Variants in WDR70 observed in about 807,000 individuals in gnomAD.
WDR70 encodes the protein WD repeat domain 70.
WDR70 carries 53 observed loss-of-function variants against 88.6 expected under a neutral mutation model. The observed-to-expected ratio is 0.60, with a 90% CI of 0.48 to 0.75. The LOEUF (loss-of-function observed/expected upper bound fraction) is 0.75, where lower values mean the gene tolerates loss of function less well. Ranked by LOEUF, WDR70 falls within the 30% of genes least tolerant of loss-of-function variation. WDR70 has a pLI of 0.00. For missense variants in WDR70, 610 were observed against 823.2 expected, an observed-to-expected ratio of 0.74 and a Z score of 3.17; for synonymous variants, 280 against 270.0, an observed-to-expected ratio of 1.04 and a Z score of -0.36.
At chr5:37,495,932 G>A (rs1740202290) in intron 8 of WDR70, among the ~76,000 whole-genome samples, 1 of 152,244 alleles carries the variant, frequency 6.6e-6, no homozygotes, top group South Asian at 2.1e-4. Context: ...AGTCTTGTAG[G>A]TTTTTTCTGT....
chr5:37,430,749 C>T (rs1487541453), intron 5 of WDR70, among the ~76,000 whole-genome samples: 1 of 151,932 alleles, frequency 6.6e-6, no homozygotes, highest in Non-Finnish European at 1.5e-5. Flanking sequence ...TTAGTAGTGA[C>T]GGGGTTTCAC....
At chr5:37,552,682 A>G (rs1742180431) in intron 9 of WDR70, among the ~76,000 whole-genome samples, 1 of 152,318 alleles carries the variant, frequency 6.6e-6, no homozygotes, top group Non-Finnish European at 1.5e-5. Flanking sequence ...CATTTGCCAG[A>G]GCTGAAAATT....
chr5:37,614,580 T>C (rs1454157709), intron 10 of WDR70, among the ~76,000 whole-genome samples: 1 of 152,188 alleles, frequency 6.6e-6, no homozygotes, highest in Admixed American at 6.5e-5. Flanking sequence ...AATTTCAGTG[T>C]CCATAAATTT....
intron 7 of WDR70, among the ~76,000 whole-genome samples, chr5:37,466,924 A>T (rs576388740): frequency 1.3e-4 from 19 of 151,978 alleles, no homozygotes; most frequent in Middle Eastern, 3.4e-3. Context: ...AGAATACCAT[A>T]AATTGGGTAG....
intron 10 of WDR70, chr5:37,687,797 A>G (rs1746655986): frequency 6.9e-6 from 3 of 433,254 alleles, no homozygotes; most frequent in Non-Finnish European, 8.2e-6. Context: ...TGAGCACTGG[A>G]AGGCTATATG....
At chr5:37,673,585 C>CCCT (rs1554010669) in intron 10 of WDR70, among the ~76,000 whole-genome samples, 3 of 93,770 alleles carry the variant, frequency 3.2e-5, no homozygotes, top group Non-Finnish European at 6.2e-5. Context: ...CTTTTCTTAC[C>CCCT]CCCCCCCCAC....
chr5:37,491,749 A>G (rs545392743), intron 8 of WDR70, among the ~76,000 whole-genome samples: 4 of 152,328 alleles, frequency 2.6e-5, no homozygotes, highest in Non-Finnish European at 4.4e-5. Context: ...AACTTAAAAT[A>G]TTTAATTTTT....
chr5:37,687,908 A>G (rs4371784), intron 10 of WDR70: 216,562 of 680,970 alleles, frequency 0.32, 36,169 homozygotes, highest in Admixed American at 0.47. Flanking sequence ...TTTCTTCTCC[A>G]GAGCAACAAG....
intron 10 of WDR70, among the ~76,000 whole-genome samples, chr5:37,687,383 C>T (rs986429057): frequency 6.6e-6 from 1 of 152,158 alleles, no homozygotes; most frequent in Admixed American, 6.5e-5. Flanking sequence ...ATTTTGAGTG[C>T]ATCTCTCCCT....
At chr5:37,416,347 A>C (rs1168511300) in intron 5 of WDR70, among the ~76,000 whole-genome samples, 5 of 152,260 alleles carry the variant, frequency 3.3e-5, no homozygotes, top group South Asian at 2.1e-4. Context: ...CGTCTCCACC[A>C]AAAAAATACG....
intron 10 of WDR70, among the ~76,000 whole-genome samples, chr5:37,673,581 T>C (rs1467775834): frequency 1.8e-5 from 1 of 54,294 alleles, no homozygotes; most frequent in Admixed American, 2.1e-4. Context: ...TTGACTTTTC[T>C]TACCCCCCCC....
intron 9 of WDR70, among the ~76,000 whole-genome samples, chr5:37,526,739 G>C (rs960630252): frequency 6.6e-6 from 1 of 152,098 alleles, no homozygotes; most frequent in African/African-American, 2.4e-5. Context: ...AAACCCCATC[G>C]TCTCAGCCCC....
At chr5:37,452,854 A>G (rs1738716022) in intron 7 of WDR70, among the ~76,000 whole-genome samples, 1 of 152,218 alleles carries the variant, frequency 6.6e-6, no homozygotes, top group South Asian at 2.1e-4. Context: ...AGGCAGTCAC[A>G]CTCAAAGAAC....
rs376215982 is a variant in WDR70 at position 37,482,155 on chromosome 5, A to G, written c.840+2168A>G. ...GTTCCAAACTTTCCCACATTTTCCT[A>G]TCCTCTTCTGAGCCTTCCAAACTGT... On this transcript the variant is annotated intron_variant, in intron 8 of 17. Transcript: ENST00000265107. Among the ~76,000 whole-genome samples the G allele has an allele frequency of 1.2e-4, 19 of 152,088 alleles. No individual in the cohort carries two copies. The East Asian group carries it at 3.1e-3, about 25-fold the overall frequency.
At chr5:37,560,407 G>A (rs1742466066) in intron 9 of WDR70, among the ~76,000 whole-genome samples, 1 of 152,114 alleles carries the variant, frequency 6.6e-6, no homozygotes, top group Non-Finnish European at 1.5e-5. Flanking sequence ...TATCTTATGA[G>A]CTACAGGGCA....
At chr5:37,696,641 G>A (rs1185753056) in intron 10 of WDR70, among the ~76,000 whole-genome samples, 1 of 152,160 alleles carries the variant, frequency 6.6e-6, no homozygotes, top group East Asian at 1.9e-4. Context: ...AGCCAGCATG[G>A]CATGTGTGTG....
chr5:37,715,949 T>C (rs1342381205), intron 13 of WDR70, among the ~76,000 whole-genome samples: 7 of 151,954 alleles, frequency 4.6e-5, no homozygotes, highest in Admixed American at 4.6e-4. Context: ...CCCATTCAAA[T>C]GTGTTGGATA....
intron 10 of WDR70, among the ~76,000 whole-genome samples, chr5:37,665,946 G>A (rs1203898041): frequency 6.6e-6 from 1 of 152,092 alleles, no homozygotes; most frequent in Admixed American, 6.5e-5. Flanking sequence ...CTCTCTATCC[G>A]TCACTTGAAC....
intron 10 of WDR70, among the ~76,000 whole-genome samples, chr5:37,682,185 A>G (rs1238591203): frequency 6.6e-6 from 1 of 152,022 alleles, no homozygotes; most frequent in South Asian, 2.1e-4. Context: ...GAATTTATCC[A>G]TTTCTTCTAG....
Sources: gnomAD v4.1 joint callset for allele counts (sites outside exome capture counted in the v4.1 genomes callset) on GRCh38, gnomAD v4.1.1 for gene constraint, MANE v1.5 for transcripts, NCBI Gene and HGNC (gene_info 2026-07-23, HGNC 2026-07-21) for gene names.